NMBR: variants seen among roughly 807,000 people sequenced by gnomAD.
NMBR encodes the protein neuromedin-B receptor.
In NMBR, 16 loss-of-function variants were observed where a neutral mutation model predicts 20.5. The ratio of observed to expected loss-of-function variants is 0.78; its 90% CI spans 0.53 to 1.19. The LOEUF (loss-of-function observed/expected upper bound fraction) is 1.19, where lower values mean the gene tolerates loss of function less well. Among genes scored for constraint, NMBR ranks in the 50% most tolerant of loss-of-function variants. The probability of loss-of-function intolerance (pLI) is 0.00; values close to 1 mark genes in which losing one functional copy is unlikely to be tolerated. For synonymous variants in NMBR, 212 were observed against 196.6 expected, an observed-to-expected ratio of 1.08 and a Z score of -0.65; for missense variants, 582 against 499.1, an observed-to-expected ratio of 1.17 and a Z score of -1.58.
chr6:142,092,296 A>T lies in NMBR; in HGVS notation c.-663-2975T>A, dbSNP rs1264589993. Among the ~76,000 whole-genome samples the T allele has an allele frequency of 2.0e-5, 3 of 152,290 alleles. No homozygotes were observed. The East Asian group carries it at 5.8e-4, about 29-fold the overall frequency. On this transcript the variant is annotated intron_variant, in intron 1 of 3. Transcript: ENST00000258042. ...CATGTAGATAAGGAAACAACACTCA[A>T]ATGTGTATTGCAACAAATAAAAACT...
At chr6:142,113,714 A>G (rs1387889531) in intron 1 of NMBR, among the ~76,000 whole-genome samples, 1 of 152,174 alleles carries the variant, frequency 6.6e-6, no homozygotes, top group African/African-American at 2.4e-5. Context: ...TCCACAATAG[A>G]CAAGAATATC....
At chr6:142,110,053 C>G (rs1777733762) in intron 1 of NMBR, among the ~76,000 whole-genome samples, 1 of 151,952 alleles carries the variant, frequency 6.6e-6, no homozygotes, top group Non-Finnish European at 1.5e-5. Context: ...TGGCTACGAC[C>G]AAATAGATGG....
chr6:142,116,820 T>C (rs1777863870), intron 1 of NMBR, among the ~76,000 whole-genome samples: 1 of 152,042 alleles, frequency 6.6e-6, no homozygotes, highest in South Asian at 2.1e-4. Flanking sequence ...CTGTAAATGT[T>C]ATTCACTGTT....
intron 1 of NMBR, among the ~76,000 whole-genome samples, chr6:142,139,482 T>C (rs1778327201): frequency 6.6e-6 from 1 of 152,224 alleles, no homozygotes; most frequent in Non-Finnish European, 1.5e-5. Context: ...CTCACTTAAA[T>C]GCCCTTTGCA....
At chr6:142,097,082 G>C (rs1483482999) in intron 1 of NMBR, among the ~76,000 whole-genome samples, 3 of 152,050 alleles carry the variant, frequency 2.0e-5, no homozygotes, top group Non-Finnish European at 4.4e-5. Context: ...ACGTGAGATG[G>C]GTTTCCTGAA....
Position 142,089,333 on chromosome 6 carries a change from A to C in NMBR, c.-663-12T>G, listed in dbSNP as rs1777277405. 1 of 152,154 alleles carries C rather than the reference A, an allele frequency of 6.6e-6. No individual in the cohort carries two copies. The highest frequency in any genetic ancestry group is 2.1e-4 in the South Asian group (1 of 4,830). 9.4% of individuals were successfully genotyped at this position (152,154 alleles called of 1,614,324 possible). A position where few individuals can be genotyped will look rare whatever the true frequency, so the allele number is the denominator to read the frequency against. ...GCAAGTCCCTAATGCTGAAACACAG[A>C]ATTTAGGGGAAAAAAATGAGTGCCA... On this transcript the variant is annotated splice_polypyrimidine_tract_variant and intron_variant, in intron 1 of 3. Coordinates refer to ENST00000258042, the MANE Select transcript of NMBR (RefSeq NM_002511.4).
In NMBR at chr6:142,088,844, A is replaced by C; in HGVS notation, c.-186T>G. ...GACCTGGGGAGGGGTCTGTCCACAC[A>C]CTCGGGCGCTCCGCTTCTAGAGGGG... On this transcript the variant is annotated 5_prime_UTR_variant, in exon 2 of 4. Coordinates refer to ENST00000258042, the MANE Select transcript of NMBR (RefSeq NM_002511.4). 1 of 528,276 alleles carries C rather than the reference A, an allele frequency of 1.9e-6. No individual in the cohort carries two copies. Among genetic ancestry groups the C allele is most frequent in the Non-Finnish European group, 3.3e-6 (1 of 299,234 alleles). 32.7% of individuals were successfully genotyped at this position (528,276 alleles called of 1,614,324 possible).
In NMBR at chr6:142,078,753, A is replaced by C. The variant is rs923956095; in HGVS notation, c.573T>G (p.Asp191Glu). ...FSEVARISSL[D>E]NSSFTACIPY... ...GGATACATGCTGTGAAGCTGCTATT[A>C]TCCAAGCTACTGATGCGAGCCACTT... is the stretch of plus-strand genomic sequence containing the variant. Residue 191 changes from aspartate (D) to glutamate (E), a missense_variant, in exon 3 of 4, where the codon GAT (aspartate) becomes GAG (glutamate). Physicochemically the swap from Asp to Glu is conservative, Grantham distance 45. Coordinates refer to ENST00000258042, the MANE Select transcript of NMBR (RefSeq NM_002511.4). The C allele has an allele frequency of 1.2e-6, 2 of 1,613,924 alleles. No individual in the cohort carries two copies. Among genetic ancestry groups the C allele is most frequent in the African/African-American group, 2.7e-5 (2 of 74,874 alleles).
intron 1 of NMBR, among the ~76,000 whole-genome samples, chr6:142,116,570 T>C (rs892097902): frequency 7.2e-5 from 11 of 152,056 alleles, no homozygotes; most frequent in African/African-American, 2.7e-4. Flanking sequence ...TTATATCATA[T>C]CTGTGATATC....
At chr6:142,098,019 G>GA (rs1289697043) in intron 1 of NMBR, among the ~76,000 whole-genome samples, 2 of 151,856 alleles carry the variant, frequency 1.3e-5, no homozygotes, top group African/African-American at 4.8e-5. Context: ...AATGACTGGG[G>GA]AAAAAAATGA....
chr6:142,115,429 T>G (rs1452362723), intron 1 of NMBR, among the ~76,000 whole-genome samples: 1 of 152,040 alleles, frequency 6.6e-6, no homozygotes, highest in Admixed American at 6.6e-5. Context: ...GAGATCGGAC[T>G]AGAAAGGCCA....
rs901689003 is a variant in NMBR, at chr6:142,074,900, A to C, written c.*748T>G. Among the ~76,000 whole-genome samples, 5 of 151,852 alleles carry C rather than the reference A, an allele frequency of 3.3e-5. No homozygotes were observed. Among genetic ancestry groups the C allele is most frequent in the African/African-American group, 1.2e-4 (5 of 41,254 alleles). On this transcript the variant is annotated 3_prime_UTR_variant, in exon 4 of 4. Coordinates refer to ENST00000258042, the MANE Select transcript of NMBR (RefSeq NM_002511.4). ...TCATAATATAAATTATATTCATATC[A>C]TATCTATTTTATAATTCATAATATT...
chr6:142,089,041 T>G lies in NMBR; in HGVS notation c.-383A>C, dbSNP rs1451130830. ...TCAGTAGAAGCACCTGCCGGACTCT[T>G]CGCCCAGAGAAGCAGAAGTCATCCT... On this transcript the variant is annotated 5_prime_UTR_variant, in exon 2 of 4. Transcript: ENST00000258042. The G allele has an allele frequency of 6.0e-6, 1 of 167,718 alleles. No individual in the cohort carries two copies. The highest frequency in any genetic ancestry group is 5.6e-5 in the Admixed American group (1 of 17,836). 10.4% of individuals were successfully genotyped at this position (167,718 alleles called of 1,614,324 possible).
At chr6:142,102,389 C>CAA (rs534698007) in intron 1 of NMBR, among the ~76,000 whole-genome samples, 67 of 76,382 alleles carry the variant, frequency 8.8e-4, no homozygotes, top group Middle Eastern at 9.4e-3. Context: ...CACTCTGTCT[C>CAA]AAAAAAAAAA....
intron 1 of NMBR, among the ~76,000 whole-genome samples, chr6:142,126,274 T>C (rs914200767): frequency 6.6e-6 from 1 of 151,872 alleles, no homozygotes; most frequent in African/African-American, 2.4e-5. Context: ...TGTGTGTGTG[T>C]GTGTGTGTGT....
intron 1 of NMBR, among the ~76,000 whole-genome samples, chr6:142,094,454 T>C (rs1396340753): frequency 6.6e-6 from 1 of 152,198 alleles, no homozygotes; most frequent in Admixed American, 6.5e-5. Flanking sequence ...AAAGATCAGA[T>C]AGTTATAGAC....
At chr6:142,127,800 G>T (rs1778064726) in intron 1 of NMBR, among the ~76,000 whole-genome samples, 1 of 151,284 alleles carries the variant, frequency 6.6e-6, no homozygotes, top group Admixed American at 6.6e-5. Context: ...TTTTTTGTTT[G>T]TGTACAGATA....
rs975923820 is a variant in NMBR, at chr6:142,078,780, T to C, written c.546A>G (p.Ser182=). The C allele has an allele frequency of 2.5e-6, 4 of 1,613,760 alleles. No homozygotes were observed. The highest frequency in any genetic ancestry group is 2.7e-5 in the African/African-American group (2 of 74,824). The change falls in exon 3 of 4, where the codon TCA becomes TCG. Residue 182 remains serine, a synonymous_variant. Transcript: ENST00000258042. ...VLLAVPEAVF[S]EVARISSLDN... ...CCAAGCTACTGATGCGAGCCACTTC[T>C]GAAAACACCGCTTCGGGAACTGCCA...
chr6:142,093,201 T>C (rs1172236412), intron 1 of NMBR, among the ~76,000 whole-genome samples: 2 of 151,872 alleles, frequency 1.3e-5, no homozygotes, highest in African/African-American at 4.8e-5. Context: ...GTGCACAACA[T>C]GCAGGTTTGT....
Sources: allele counts gnomAD v4.1 joint callset (sites outside exome capture counted in the v4.1 genomes callset), GRCh38; gene constraint gnomAD v4.1.1; transcripts MANE v1.5; gene names NCBI Gene and HGNC (gene_info 2026-07-23, HGNC 2026-07-21).